The following CSRP2 variants were observed in gnomAD, a reference collection of about 807,000 sequenced individuals.
CSRP2 encodes the protein cysteine and glycine-rich protein 2.
In CSRP2, 18 loss-of-function variants were observed where a neutral mutation model predicts 24.6. The ratio of observed to expected loss-of-function variants is 0.73; its 90% CI spans 0.51 to 1.09. CSRP2 has a LOEUF of 1.09. CSRP2 is among the 50% of genes least tolerant of loss of function. The probability of loss-of-function intolerance (pLI) is 0.00; values close to 1 mark genes in which losing one functional copy is unlikely to be tolerated. For missense variants in CSRP2, 215 were observed against 239.4 expected (o/e 0.90, Z 0.67); for synonymous variants, 87 against 84.3 (o/e 1.03, Z -0.18).
At position 76,876,669 on chromosome 12, in the gene CSRP2, G is replaced by T. The variant is rs141116492; in HGVS notation, c.-2+2269C>A. ...GGATCCCCACCCAACAGAACCCAAG[G>T]GATGGCATGCTGGCAGTCAGGGTAA... On this transcript the variant is annotated intron_variant, in intron 1 of 5. Coordinates refer to ENST00000311083, the MANE Select transcript of CSRP2 (RefSeq NM_001321.3). 4.0e-3 allele frequency among the ~76,000 whole-genome samples: 604 copies of T among 152,244 alleles called. 7 individuals carry two copies. The highest frequency in any genetic ancestry group is 0.013 in the African/African-American group (550 of 41,536).
chr12:76,871,580 C>G (rs1442573398), intron 1 of CSRP2, among the ~76,000 whole-genome samples: 2 of 152,062 alleles, frequency 1.3e-5, no homozygotes, highest in African/African-American at 2.4e-5. Flanking sequence ...ACCATCCTGG[C>G]TAACACGGTG....
intron 1 of CSRP2, among the ~76,000 whole-genome samples, chr12:76,878,580 G>A (rs948253874): frequency 1.3e-5 from 2 of 152,250 alleles, no homozygotes; most frequent in African/African-American, 4.8e-5. Context: ...GCTGCTAAGA[G>A]GCGGATTAGC....
chr12:76,867,432 C>A (rs1361961353), intron 1 of CSRP2, among the ~76,000 whole-genome samples: 1 of 151,486 alleles, frequency 6.6e-6, no homozygotes, highest in Non-Finnish European at 1.5e-5. Flanking sequence ...ATTGCTTGAA[C>A]CAGGAAGCGG....
At chr12:76,871,360 C>T (rs1034068246) in intron 1 of CSRP2, among the ~76,000 whole-genome samples, 1 of 152,202 alleles carries the variant, frequency 6.6e-6, no homozygotes, top group Non-Finnish European at 1.5e-5. Flanking sequence ...TGCAGAGCAA[C>T]AAACAAGGTA....
rs768274309 is a variant in CSRP2 at position 76,866,137 on chromosome 12, A to G, written c.112+12T>C. The G allele has an allele frequency of 4.4e-6, 7 of 1,592,386 alleles. No homozygotes were observed. Among genetic ancestry groups the G allele is most frequent in the Non-Finnish European group, 6.0e-6 (7 of 1,160,358 alleles). On this transcript the variant is annotated intron_variant, in intron 2 of 5. Coordinates refer to ENST00000311083, the MANE Select transcript of CSRP2 (RefSeq NM_001321.3). ...AAATTCCGTCAAAGGTGGAGCATGGAGAGCTACTTACTGCAGAGAAAGCAG... is the reference window on the plus strand; with the variant it reads ...AAATTCCGTCAAAGGTGGAGCATGGGGAGCTACTTACTGCAGAGAAAGCAG...
At chr12:76,868,067 C>T (rs11115917) in intron 1 of CSRP2, among the ~76,000 whole-genome samples, 2,537 of 152,254 alleles carry the variant, frequency 0.017, 22 homozygotes, top group African/African-American at 0.024. Flanking sequence ...CTTTCTTAGA[C>T]CATGTGGTTT....
chr12:76,869,247 T>G (rs1335414556), intron 1 of CSRP2, among the ~76,000 whole-genome samples: 1 of 152,134 alleles, frequency 6.6e-6, no homozygotes, highest in African/African-American at 2.4e-5. Flanking sequence ...GGCCTTTTTA[T>G]GGTGGTACTA....
In CSRP2 at chr12:76,872,985, G is replaced by A. The variant is rs61930524; in HGVS notation, c.-2+5953C>T. ...GGGCCATTCTCATACCATTAGTGCC[G>A]CATTTACTGTCTTACTTTAGAATCA... On this transcript the variant is annotated intron_variant, in intron 1 of 5. Coordinates refer to ENST00000311083, the MANE Select transcript of CSRP2 (RefSeq NM_001321.3). Among the ~76,000 whole-genome samples the A allele has an allele frequency of 3.4e-3, 516 of 152,264 alleles. 1 individual carries two copies. The highest frequency in any genetic ancestry group is 5.4e-3 in the Non-Finnish European group (364 of 68,030).
chr12:76,876,467 A>T lies in CSRP2; in HGVS notation c.-2+2471T>A, dbSNP rs535211576. 2.0e-5 allele frequency among the ~76,000 whole-genome samples: 3 copies of T among 152,322 alleles called. No homozygotes were observed. In the East Asian group the frequency reaches 5.8e-4, roughly 29 times the overall value. ...ATCCAGACTGAGAAATATTCCCTTA[A>T]TTCAGGATTCTTAACCCAAAGGCCA... is the stretch of plus-strand genomic sequence containing the variant. On this transcript the variant is annotated intron_variant, in intron 1 of 5. Coordinates refer to ENST00000311083, the MANE Select transcript of CSRP2 (RefSeq NM_001321.3).
intron 1 of CSRP2, among the ~76,000 whole-genome samples, chr12:76,873,595 A>G (rs970699671): frequency 6.6e-6 from 1 of 152,172 alleles, no homozygotes; most frequent in Non-Finnish European, 1.5e-5. Flanking sequence ...GAGTCCACGA[A>G]GTGTCATTTC....
At chr12:76,862,552 A>G (rs1953692959) in intron 3 of CSRP2, 1 of 333,468 alleles carries the variant, frequency 3.0e-6, no homozygotes. Flanking sequence ...AAAAAGAAAA[A>G]AAAAAGTGTG....
At chr12:76,872,972 T>C (rs1953816601) in intron 1 of CSRP2, among the ~76,000 whole-genome samples, 1 of 152,242 alleles carries the variant, frequency 6.6e-6, no homozygotes, top group Non-Finnish European at 1.5e-5. Flanking sequence ...GCCATTCTCA[T>C]ACCATTAGTG....
At chr12:76,874,455 T>C (rs1953833411) in intron 1 of CSRP2, among the ~76,000 whole-genome samples, 1 of 152,182 alleles carries the variant, frequency 6.6e-6, no homozygotes, top group African/African-American at 2.4e-5. Flanking sequence ...ATGAGAACTA[T>C]CTTATAGGCG....
At chr12:76,865,271 C>T (rs1037639490) in intron 2 of CSRP2, among the ~76,000 whole-genome samples, 2 of 152,116 alleles carry the variant, frequency 1.3e-5, no homozygotes, top group African/African-American at 4.8e-5. Flanking sequence ...TGGTTACAAG[C>T]CTGCTGAAAA....
At chr12:76,869,261 C>T (rs991876806) in intron 1 of CSRP2, among the ~76,000 whole-genome samples, 2 of 152,082 alleles carry the variant, frequency 1.3e-5, no homozygotes, top group Non-Finnish European at 2.9e-5. Flanking sequence ...GGTACTAATC[C>T]ATTCAAGAGA....
In CSRP2 at chr12:76,859,725, T is replaced by C. The variant is rs546962997; in HGVS notation, c.412-85A>G. On this transcript the variant is annotated intron_variant, in intron 4 of 5. Coordinates refer to ENST00000311083, the MANE Select transcript of CSRP2 (RefSeq NM_001321.3). Reference sequence around the variant, plus strand: ...ATGTATGGCAAGAAGTGGCTCAGGATGATCATCTCAAAGCAAGCTCCTGAC... The same window carrying C: ...ATGTATGGCAAGAAGTGGCTCAGGACGATCATCTCAAAGCAAGCTCCTGAC... 14 of 999,412 alleles carry C rather than the reference T, an allele frequency of 1.4e-5. No individual in the cohort carries two copies. In the East Asian group the frequency reaches 1.8e-4, roughly 13 times the overall value. The allele number at this position is 999,412 out of a possible 1,614,324, so 61.9% of individuals were successfully genotyped here.
At chr12:76,869,186 A>C (rs1953766642) in intron 1 of CSRP2, among the ~76,000 whole-genome samples, 1 of 152,144 alleles carries the variant, frequency 6.6e-6, no homozygotes, top group Non-Finnish European at 1.5e-5. Flanking sequence ...GGCCAGGAAC[A>C]CTGTACCTTA....
intron 4 of CSRP2, 51 bp downstream of exon 4, chr12:76,860,233 A>T (rs1180268604): frequency 6.3e-7 from 1 of 1,591,630 alleles, no homozygotes; most frequent in South Asian, 1.1e-5. Flanking sequence ...TAGGGGAGAA[A>T]GGGAGCAGAG....
chr12:76,872,408 T>C (rs1953808661), intron 1 of CSRP2, among the ~76,000 whole-genome samples: 1 of 152,232 alleles, frequency 6.6e-6, no homozygotes, highest in Non-Finnish European at 1.5e-5. Flanking sequence ...TGGGAAGTTT[T>C]CATTTTTTAA....
Sources: gnomAD v4.1 joint callset for allele counts (sites outside exome capture counted in the v4.1 genomes callset) on GRCh38, gnomAD v4.1.1 for gene constraint, MANE v1.5 for transcripts, NCBI Gene and HGNC (gene_info 2026-07-23, HGNC 2026-07-21) for gene names.